CLGN: variants seen among roughly 807,000 people sequenced by gnomAD.
CLGN encodes calmegin.
CLGN carries 62 observed loss-of-function variants against 79.1 expected under a neutral mutation model. That is an observed-to-expected ratio of 0.78 (90% CI 0.64 to 0.97). The LOEUF is 0.97. CLGN is among the 50% of genes least tolerant of loss of function. CLGN has a pLI of 0.00. For synonymous variants in CLGN, 225 were observed against 224.7 expected, an observed-to-expected ratio of 1.00 and a Z score of -0.01; for missense variants, 647 against 715.5, an observed-to-expected ratio of 0.90 and a Z score of 1.09.
Position 140,400,376 on chromosome 4 carries a change from C to A in CLGN, c.675G>T (p.Lys225Asn). ...GTATACCAAGGGTATAAAGATGAGT[C>A]TTCCTGTCTGTAAAGAACTTTTTAA... Reference protein sequence around the residue: ...VDLKKFFTDRKTHLYTLVMNP... With the variant: ...VDLKKFFTDRNTHLYTLVMNP... The change falls in exon 7 of 15, where the codon AAG (lysine) becomes AAT (asparagine). Residue 225 changes from lysine (K) to asparagine (N), a missense_variant. Physicochemically the swap from Lys to Asn is moderately conservative, Grantham distance 94. Transcript: ENST00000325617. 1.2e-6 allele frequency: 2 copies of A among 1,610,640 alleles called. No individual in the cohort carries two copies. Among genetic ancestry groups the A allele is most frequent in the South Asian group, 2.2e-5 (2 of 90,470 alleles).
Position 140,416,496 on chromosome 4 carries a change from G to A in CLGN, c.-9-3409C>T, listed in dbSNP as rs563198581. On this transcript the variant is annotated intron_variant, in intron 1 of 14. Coordinates refer to ENST00000325617, the MANE Select transcript of CLGN (RefSeq NM_004362.3). ...AAAAAGAGAGAAGAATCTAATAGAC[G>A]CAGCAAAAAATGATAAAGGGGATAT... 3.2e-3 allele frequency among the ~76,000 whole-genome samples: 494 copies of A among 152,094 alleles called. 5 individuals are homozygous for A. Among genetic ancestry groups the A allele is most frequent in the African/African-American group, 0.011 (462 of 41,466 alleles).
At chr4:140,400,698 G>T in intron 6 of CLGN, 149 bp from the exon 7 acceptor site, 1 of 550,266 alleles carries the variant, frequency 1.8e-6, no homozygotes. Context: ...GACAATAAAG[G>T]ACATGGGAAA....
rs1048681488 is a variant in CLGN, at chr4:140,400,492, C to T, written c.559G>A (p.Glu187Lys). ...AAGATAAAATGAAGTTTATAATCTTCTCCACATTTATCTGGTCCAAACATA... is the reference window on the plus strand; with the variant it reads ...AAGATAAAATGAAGTTTATAATCTTTTCCACATTTATCTGGTCCAAACATA... Reference protein sequence around the residue: ...IIMFGPDKCGEDYKLHFIFRH... With the variant: ...IIMFGPDKCGKDYKLHFIFRH... The change falls in exon 7 of 15, where the codon GAA becomes AAA. Residue 187 changes from glutamate to lysine, a missense_variant. Glu to Lys is a moderately conservative substitution (Grantham distance 56). Transcript: ENST00000325617. 11 of 1,606,296 alleles carry T rather than the reference C, an allele frequency of 6.8e-6. No individual in the cohort carries two copies. The highest frequency in any genetic ancestry group is 9.4e-6 in the Non-Finnish European group (11 of 1,173,458).
intron 8 of CLGN, 142 bp downstream of exon 8, chr4:140,398,709 G>T: frequency 1.6e-6 from 1 of 627,838 alleles, no homozygotes; most frequent in Non-Finnish European, 2.6e-6. Context: ...ATCCATTTTA[G>T]AAAATATTTC....
intron 13 of CLGN, 135 bp from the exon 14 acceptor site, chr4:140,390,863 C>T (rs891271671): frequency 4.7e-6 from 2 of 428,454 alleles, no homozygotes; most frequent in Non-Finnish European, 7.9e-6. Flanking sequence ...TTCTTCCATT[C>T]AAAATTTTAA....
At position 140,406,065 on chromosome 4, in the gene CLGN, T is replaced by C; in HGVS notation, c.296A>G (p.Glu99Gly). The change falls in exon 5 of 15, where the codon GAG (glutamate) becomes GGG (glycine). Residue 99 changes from glutamate (E) to glycine (G), a missense_variant. Glu to Gly is a moderately conservative substitution (Grantham distance 98). Coordinates refer to ENST00000325617, the MANE Select transcript of CLGN (RefSeq NM_004362.3). Reference sequence around the variant, plus strand: ...ACCAGGTACCTGGTTTTCTTTCAACTCTTCAATTTCCCATCTTCCTAAAAA... The same window carrying C: ...ACCAGGTACCTGGTTTTCTTTCAACCCTTCAATTTCCCATCTTCCTAAAAA... ...SIYDGRWEIE[E>G]LKENQVPGDR... 1 of 1,611,690 alleles carries C rather than the reference T, an allele frequency of 6.2e-7. No individual in the cohort carries two copies. The highest frequency in any genetic ancestry group is 8.5e-7 in the Non-Finnish European group (1 of 1,179,322).
chr4:140,408,494 C>G (rs1729148761), intron 4 of CLGN, among the ~76,000 whole-genome samples: 1 of 151,668 alleles, frequency 6.6e-6, no homozygotes, highest in Non-Finnish European at 1.5e-5. Flanking sequence ...AAAATTAATC[C>G]CATCAGAAAG....
chr4:140,419,118 C>T, intron 1 of CLGN, among the ~76,000 whole-genome samples: 1 of 151,994 alleles, frequency 6.6e-6, no homozygotes, highest in Non-Finnish European at 1.5e-5. Flanking sequence ...AAACCAAACA[C>T]CGCATATTCT....
At chr4:140,409,003 A>G (rs1051436047) in intron 4 of CLGN, among the ~76,000 whole-genome samples, 22 of 151,996 alleles carry the variant, frequency 1.4e-4, no homozygotes, top group African/African-American at 5.3e-4. Context: ...ACACCATGCA[A>G]AGGAAGACAT....
chr4:140,399,167 T>C (rs1314524459), intron 7 of CLGN, 127 bp from the exon 8 acceptor site: 7 of 694,120 alleles, frequency 1.0e-5, no homozygotes, highest in Non-Finnish European at 1.6e-5. Context: ...AATAGAGGAA[T>C]AACCAATGTA....
intron 1 of CLGN, among the ~76,000 whole-genome samples, chr4:140,413,468 C>A (rs1215415861): frequency 1.3e-5 from 2 of 152,170 alleles, no homozygotes; most frequent in Non-Finnish European, 2.9e-5. Flanking sequence ...CTAGGGAGTG[C>A]CAGACAGTGG....
chr4:140,406,214 A>C, intron 4 of CLGN, 131 bp from the exon 5 acceptor site: 6 of 781,196 alleles, frequency 7.7e-6, no homozygotes, highest in Non-Finnish European at 1.2e-5. Context: ...TTAAATCAGG[A>C]AATATCTTCA....
At chr4:140,403,606 T>C (rs2126622558) in intron 5 of CLGN, among the ~76,000 whole-genome samples, 1 of 152,298 alleles carries the variant, frequency 6.6e-6, no homozygotes, top group South Asian at 2.1e-4. Context: ...TTATAATAGA[T>C]TATCTCAGGA....
intron 1 of CLGN, among the ~76,000 whole-genome samples, chr4:140,413,651 G>T (rs1729260679): frequency 6.6e-6 from 1 of 152,214 alleles, no homozygotes; most frequent in Non-Finnish European, 1.5e-5. Context: ...TTTCCAACAG[G>T]CTTAAAAAAC....
intron 2 of CLGN, among the ~76,000 whole-genome samples, chr4:140,411,587 T>C (rs1729212071): frequency 6.6e-6 from 1 of 152,054 alleles, no homozygotes; most frequent in South Asian, 2.1e-4. Context: ...CAGTAGGCTT[T>C]AGGGAAAAGG....
intron 4 of CLGN, among the ~76,000 whole-genome samples, chr4:140,406,668 T>C (rs1303776449): frequency 6.6e-6 from 1 of 152,200 alleles, no homozygotes; most frequent in African/African-American, 2.4e-5. Context: ...ACTGCATAAG[T>C]GCTAAGCTAC....
Position 140,392,631 on chromosome 4 carries a change from C to T in CLGN, c.1446G>A (p.Val482=), listed in dbSNP as rs1728796412. 5 of 1,610,572 alleles carry T rather than the reference C, an allele frequency of 3.1e-6. No homozygotes were observed. The highest frequency in any genetic ancestry group is 4.2e-6 in the Non-Finnish European group (5 of 1,178,754). The change falls in exon 12 of 15, where the codon GTG becomes GTA. Residue 482 remains valine, a synonymous_variant. Coordinates refer to ENST00000325617, the MANE Select transcript of CLGN (RefSeq NM_004362.3). ...AAAATGAAGTAATTAATGCTATTGG[C>T]ACTCCTGCTGTCACAAGATAAATCA... ...LWLIYLVTAG[V]PIALITSFCW... is the part of the protein sequence containing the mutation.
Position 140,422,772 on chromosome 4 carries a change from T to C in CLGN, c.-10+4765A>G, listed in dbSNP as rs112614760. The stretch of plus-strand genomic sequence containing the variant: ...CTGGGACTACAGGCAAGCATCACCA[T>C]GCCCAGCTAATGTTCTGTATTTTTC... On this transcript the variant is annotated intron_variant, in intron 1 of 14. Coordinates refer to ENST00000325617, the MANE Select transcript of CLGN (RefSeq NM_004362.3). Among the ~76,000 whole-genome samples the C allele has an allele frequency of 4.8e-3, 733 of 152,214 alleles. 4 individuals are homozygous for C. The highest frequency in any genetic ancestry group is 0.016 in the African/African-American group (674 of 41,540).
intron 3 of CLGN, among the ~76,000 whole-genome samples, chr4:140,410,267 A>G (rs765276095): frequency 3.3e-5 from 5 of 152,016 alleles, no homozygotes; most frequent in Non-Finnish European, 7.4e-5. Flanking sequence ...CAGTACTCAT[A>G]TTTGTCATCT....
Sources: gnomAD v4.1 joint callset for allele counts (sites outside exome capture counted in the v4.1 genomes callset) on GRCh38, gnomAD v4.1.1 for gene constraint, MANE v1.5 for transcripts, NCBI Gene and HGNC (gene_info 2026-07-23, HGNC 2026-07-21) for gene names.